Variants in ANK2 observed in about 807,000 individuals in gnomAD.
The protein encoded by ANK2 is ankyrin 2.
In ANK2, 83 loss-of-function variants were observed where a neutral mutation model predicts 360.5. The ratio of observed to expected loss-of-function variants is 0.23; its 90% confidence interval spans 0.19 to 0.28. ANK2 has a LOEUF of 0.28. Ranked by LOEUF, ANK2 falls within the 10% of genes least tolerant of loss-of-function variation. ANK2 has a pLI of 1.00. For missense variants in ANK2, 4,201 were observed against 4,795.7 expected (o/e 0.88, Z 3.66); for synonymous variants, 1,740 against 1,759.5 (o/e 0.99, Z 0.28).
At chr4:112,851,598 C>T (rs540476430) in intron 1 of ANK2, among the ~76,000 whole-genome samples, 6 of 151,936 alleles carry the variant, frequency 3.9e-5, no homozygotes, top group Non-Finnish European at 5.9e-5. Context: ...GCCATAGAGT[C>T]GAATATTAAA....
intron 1 of ANK2, among the ~76,000 whole-genome samples, chr4:112,836,353 C>T (rs1243605720): frequency 6.6e-6 from 1 of 152,134 alleles, no homozygotes; most frequent in Non-Finnish European, 1.5e-5. Flanking sequence ...ATTACCCAGT[C>T]TCAGGTAGTA....
chr4:113,283,085 G>C (rs1296126121), intron 18 of ANK2, among the ~76,000 whole-genome samples: 2 of 152,124 alleles, frequency 1.3e-5, no homozygotes, highest in Non-Finnish European at 2.9e-5. Context: ...GCAACACTTT[G>C]GCTTCTTGAC....
chr4:112,894,285 G>C (rs981994277), intron 1 of ANK2, among the ~76,000 whole-genome samples: 1 of 152,164 alleles, frequency 6.6e-6, no homozygotes, highest in African/African-American at 2.4e-5. Flanking sequence ...ATTCAGTCTA[G>C]TGGAGAAGGA....
chr4:113,352,909 T>C (rs1443497762), intron 37 of ANK2, 136 bp from the exon 38 acceptor site: 5 of 929,128 alleles, frequency 5.4e-6, no homozygotes, highest in Non-Finnish European at 8.1e-6. Context: ...GGATCTACCA[T>C]TCCCAGCCCA....
intron 29 of ANK2, among the ~76,000 whole-genome samples, chr4:113,333,566 C>T (rs1444672769): frequency 2.0e-5 from 3 of 152,070 alleles, no homozygotes; most frequent in Admixed American, 6.5e-5. Context: ...TGAACTGATA[C>T]TGGATAATAA....
intron 2 of ANK2, among the ~76,000 whole-genome samples, chr4:112,986,969 A>G (rs1386355823): frequency 1.3e-5 from 2 of 152,194 alleles, no homozygotes; most frequent in Non-Finnish European, 2.9e-5. Flanking sequence ...TGGCTTCCCT[A>G]GGCCACATTG....
chr4:113,034,141 A>G (rs2061059807), intron 2 of ANK2: 1 of 151,922 alleles, frequency 6.6e-6, no homozygotes, highest in Admixed American at 6.6e-5. Flanking sequence ...TACCTTGAAG[A>G]TGGTTTGAGA....
At chr4:113,158,624 CTCCCATTT>C (rs1226363590) in intron 1 of ANK2, among the ~76,000 whole-genome samples, 1 of 152,140 alleles carries the variant, frequency 6.6e-6, no homozygotes, top group East Asian at 1.9e-4. Flanking sequence ...ATATGCTGGG[CTCCCATTT>C]TGAAGGTTGC....
chr4:112,983,459 C>T (rs1241234557), intron 2 of ANK2, among the ~76,000 whole-genome samples: 1 of 151,632 alleles, frequency 6.6e-6, no homozygotes, highest in Non-Finnish European at 1.5e-5. Flanking sequence ...GGCAGATCAC[C>T]TGAGGTTGGG....
At chr4:112,970,133 G>C (rs2038958258) in intron 2 of ANK2, among the ~76,000 whole-genome samples, 1 of 149,882 alleles carries the variant, frequency 6.7e-6, no homozygotes, top group African/African-American at 2.5e-5. Flanking sequence ...ACAGGCGCCT[G>C]CCACCACACC....
At chr4:113,373,023 C>T (rs2096794267) in intron 43 of ANK2, 67 bp from the exon 44 acceptor site, 1 of 1,253,384 alleles carries the variant, frequency 8.0e-7, no homozygotes, top group African/African-American at 1.5e-5. Context: ...ACATTATAAG[C>T]ACTTGGGAGT....
At chr4:112,991,364 A>G (rs796207120) in intron 2 of ANK2, among the ~76,000 whole-genome samples, 1 of 152,236 alleles carries the variant, frequency 6.6e-6, no homozygotes, top group African/African-American at 2.4e-5. Context: ...TTGGGGTATC[A>G]TATTGAGCAA....
chr4:112,755,409 T>A, the ANK2 span, among the ~76,000 whole-genome samples: 2 of 152,214 alleles, frequency 1.3e-5, no homozygotes, highest in Non-Finnish European at 2.9e-5. Flanking sequence ...GCTGTTTATT[T>A]CACCTGGGTG....
chr4:112,999,566 G>A (rs537062650), intron 2 of ANK2, among the ~76,000 whole-genome samples: 105 of 151,734 alleles, frequency 6.9e-4, no homozygotes, highest in Non-Finnish European at 1.4e-3. Context: ...AGCTGTCTTG[G>A]TTCACTAAAA....
chr4:112,743,099 C>T, the ANK2 span, among the ~76,000 whole-genome samples: 209 of 152,282 alleles, frequency 1.4e-3, no homozygotes, highest in Non-Finnish European at 2.2e-3. Context: ...TAGCTCAATA[C>T]AGTGTGTAGT....
intron 4 of ANK2, among the ~76,000 whole-genome samples, chr4:113,199,739 G>T (rs185572792): frequency 3.3e-5 from 5 of 152,082 alleles, no homozygotes; most frequent in Admixed American, 2.6e-4. Flanking sequence ...TACGCATGTG[G>T]GGATTGAGAA....
At chr4:112,843,401 A>G (rs185392428) in intron 1 of ANK2, among the ~76,000 whole-genome samples, 4 of 152,240 alleles carry the variant, frequency 2.6e-5, no homozygotes, top group African/African-American at 9.6e-5. Context: ...CAACAGTGGT[A>G]TGAAGAGGCT....
the ANK2 span, among the ~76,000 whole-genome samples, chr4:112,738,335 CA>C: frequency 6.7e-6 from 1 of 149,538 alleles, no homozygotes; most frequent in African/African-American, 2.5e-5. Context: ...TCGCTTGAAC[CA>C]GGGAGGCAGA....
chr4:112,878,839 G>T (rs1183052159), intron 1 of ANK2, among the ~76,000 whole-genome samples: 1 of 151,232 alleles, frequency 6.6e-6, no homozygotes, highest in Non-Finnish European at 1.5e-5. Flanking sequence ...GTTTCACCGT[G>T]GTCTCGATCT....
Sources: allele counts gnomAD v4.1 joint callset (sites outside exome capture counted in the v4.1 genomes callset), GRCh38; gene constraint gnomAD v4.1.1; transcripts MANE v1.5; gene names NCBI Gene and HGNC (gene_info 2026-07-23, HGNC 2026-07-21).